NBAS: variants seen among roughly 807,000 people sequenced by gnomAD.
The protein encoded by NBAS is NBAS subunit of NRZ tethering complex, also known as NAG/BC035112 fusion.
In NBAS, 219 loss-of-function variants were observed where a neutral mutation model predicts 302.5. The observed-to-expected ratio is 0.72, with a 90% confidence interval of 0.65 to 0.81. The LOEUF (loss-of-function observed/expected upper bound fraction) is 0.81, where lower values mean the gene tolerates loss of function less well. Among genes scored for constraint, NBAS ranks in the 30% least tolerant of loss-of-function variants. NBAS has a pLI of 0.00. For synonymous variants in NBAS, 1,118 were observed against 1,021.6 expected, an observed-to-expected ratio of 1.09 and a Z score of -1.80; for missense variants, 2,932 against 2,841.6, an observed-to-expected ratio of 1.03 and a Z score of -0.72.
At chr2:15,390,670 CT>C (rs1193448059) in intron 28 of NBAS, among the ~76,000 whole-genome samples, 3 of 152,042 alleles carry the variant, frequency 2.0e-5, no homozygotes, top group African/African-American at 7.2e-5. Context: ...CCATAGTAAC[CT>C]TTTTACTATT....
chr2:15,485,174 T>C (rs1680571240), intron 12 of NBAS, among the ~76,000 whole-genome samples: 1 of 151,942 alleles, frequency 6.6e-6, no homozygotes, highest in South Asian at 2.1e-4. Flanking sequence ...ACTAACTAGC[T>C]CAAGAGTTAA....
At chr2:14,965,792 T>G in the NBAS span, among the ~76,000 whole-genome samples, 1 of 152,142 alleles carries the variant, frequency 6.6e-6, no homozygotes, top group Non-Finnish European at 1.5e-5. Flanking sequence ...TCTAACAAAT[T>G]GATTCCAACA....
At chr2:15,157,309 A>G in the NBAS span, among the ~76,000 whole-genome samples, 2 of 152,146 alleles carry the variant, frequency 1.3e-5, no homozygotes, top group East Asian at 1.9e-4. Flanking sequence ...TGTGTAATTT[A>G]TTAACCATAG....
At chr2:15,413,216 T>C (rs1196749699) in intron 25 of NBAS, among the ~76,000 whole-genome samples, 2 of 152,234 alleles carry the variant, frequency 1.3e-5, no homozygotes, top group African/African-American at 2.4e-5. Context: ...GAGATTTGTC[T>C]TGCTACATTT....
chr2:15,117,876 C>T, the NBAS span, among the ~76,000 whole-genome samples: 1 of 152,126 alleles, frequency 6.6e-6, no homozygotes, highest in African/African-American at 2.4e-5. Context: ...TGCCACTCCT[C>T]TCAAAAAGAC....
At chr2:15,194,643 C>T (rs1018304284) in intron 48 of NBAS, among the ~76,000 whole-genome samples, 1 of 152,076 alleles carries the variant, frequency 6.6e-6, no homozygotes, top group African/African-American at 2.4e-5. Context: ...TGGGTAAATA[C>T]AATAGACTGT....
At chr2:15,205,367 AAAC>A (rs563478611) in intron 48 of NBAS, among the ~76,000 whole-genome samples, 235 of 152,232 alleles carry the variant, frequency 1.5e-3, no homozygotes, top group Non-Finnish European at 2.6e-3. Flanking sequence ...AACACAAAAG[AAAC>A]AACAACAACA....
chr2:15,425,576 T>C (rs1677427825), intron 22 of NBAS, among the ~76,000 whole-genome samples: 1 of 152,198 alleles, frequency 6.6e-6, no homozygotes, highest in Non-Finnish European at 1.5e-5. Flanking sequence ...CCAAATGCCT[T>C]TGACAACCTA....
At chr2:15,032,389 T>A in the NBAS span, among the ~76,000 whole-genome samples, 2 of 152,168 alleles carry the variant, frequency 1.3e-5, no homozygotes, top group Non-Finnish European at 2.9e-5. Context: ...GAACAAGAAA[T>A]TCTTGTTGTA....
chr2:15,260,203 G>A (rs2148012657), intron 44 of NBAS, among the ~76,000 whole-genome samples: 1 of 152,250 alleles, frequency 6.6e-6, no homozygotes, highest in South Asian at 2.1e-4. Context: ...GTGTGTGAGA[G>A]GTAATCAGGT....
intron 11 of NBAS, among the ~76,000 whole-genome samples, chr2:15,492,042 C>T (rs1472377279): frequency 6.6e-6 from 1 of 152,158 alleles, no homozygotes; most frequent in Non-Finnish European, 1.5e-5. Context: ...TCATTAGATG[C>T]CATGGTATCC....
At chr2:15,409,606 CTA>C (rs1385458609) in intron 25 of NBAS, among the ~76,000 whole-genome samples, 6 of 152,116 alleles carry the variant, frequency 3.9e-5, no homozygotes, top group Admixed American at 3.9e-4. Flanking sequence ...TCTAGAAGTT[CTA>C]TGTGCTCTTT....
At chr2:15,544,043 A>G (rs1472565807) in intron 6 of NBAS, among the ~76,000 whole-genome samples, 1 of 152,162 alleles carries the variant, frequency 6.6e-6, no homozygotes, top group Non-Finnish European at 1.5e-5. Flanking sequence ...TAAAAATAAT[A>G]AACACTGGGT....
At chr2:15,514,839 A>G (rs1662311824) in intron 9 of NBAS, among the ~76,000 whole-genome samples, 1 of 152,188 alleles carries the variant, frequency 6.6e-6, no homozygotes, top group African/African-American at 2.4e-5. Context: ...ATGAATTCTG[A>G]TAACTAGCAT....
chr2:14,878,538 C>T, the NBAS span, among the ~76,000 whole-genome samples: 2 of 152,128 alleles, frequency 1.3e-5, no homozygotes, highest in Non-Finnish European at 2.9e-5. Context: ...ATCCAATACT[C>T]CTGGAAGCTG....
At chr2:15,006,479 A>G in the NBAS span, among the ~76,000 whole-genome samples, 40 of 152,306 alleles carry the variant, frequency 2.6e-4, no homozygotes, top group East Asian at 3.7e-3. Context: ...TTACTAAATA[A>G]TAACTGAAAA....
chr2:15,402,492 A>T (rs530760087), intron 25 of NBAS, among the ~76,000 whole-genome samples, 191 bp from the exon 26 acceptor site: 1 of 152,338 alleles, frequency 6.6e-6, no homozygotes, highest in South Asian at 2.1e-4. Context: ...ATTACAGATC[A>T]ACTATAAAAG....
chr2:15,305,093 G>A (rs1172866508), intron 40 of NBAS, among the ~76,000 whole-genome samples: 1 of 152,170 alleles, frequency 6.6e-6, no homozygotes, highest in East Asian at 1.9e-4. Flanking sequence ...AGGGATATGA[G>A]ATTTGGGAGA....
chr2:15,365,613 C>T (rs1674159423), intron 32 of NBAS, among the ~76,000 whole-genome samples: 1 of 152,198 alleles, frequency 6.6e-6, no homozygotes, highest in African/African-American at 2.4e-5. Context: ...CCCAGTCACA[C>T]TGCCATCACA....
Sources: gnomAD v4.1 joint callset for allele counts (sites outside exome capture counted in the v4.1 genomes callset) on GRCh38, gnomAD v4.1.1 for gene constraint, MANE v1.5 for transcripts, NCBI Gene and HGNC (gene_info 2026-07-23, HGNC 2026-07-21) for gene names.